The following PFKP variants were observed in gnomAD, a reference collection of about 807,000 sequenced individuals.
PFKP encodes ATP-dependent 6-phosphofructokinase, platelet type.
Under a neutral mutation model 94.3 loss-of-function variants are expected in PFKP, and 101 were observed. The observed-to-expected ratio is 1.07, with a 90% confidence interval of 0.91 to 1.26. The LOEUF (loss-of-function observed/expected upper bound fraction) is 1.26. Among genes scored for constraint, PFKP ranks in the 50% most tolerant of loss-of-function variants. The probability of loss-of-function intolerance (pLI) is 0.00; values close to 1 mark genes in which losing one functional copy is unlikely to be tolerated. For synonymous variants in PFKP, 573 were observed against 432.6 expected (o/e 1.32, Z -4.03); for missense variants, 1,145 against 1,103.3 (o/e 1.04, Z -0.53).
At position 3,129,064 on chromosome 10, in the gene PFKP, G is replaced by A. The variant is rs140842080; in HGVS notation, c.1684-755G>A. 986 of 152,384 alleles carry A rather than the reference G, an allele frequency of 6.5e-3. 5 individuals carry two copies. The highest frequency in any genetic ancestry group is 0.011 in the Non-Finnish European group (724 of 68,070). The allele number at this position is 152,384 out of a possible 1,614,324, so 9.4% of individuals were successfully genotyped here. A position where few individuals can be genotyped will look rare whatever the true frequency, so the allele number is the denominator to read the frequency against. On this transcript the variant is annotated intron_variant, in intron 16 of 21. Transcript: ENST00000381125. Reference sequence around the variant, plus strand: ...GGGTCCTTTCTGTGTGAACGGATTGGAGGGTCCCGGGGTGGGAGCTGAGGC... The same window carrying A: ...GGGTCCTTTCTGTGTGAACGGATTGAAGGGTCCCGGGGTGGGAGCTGAGGC...
chr10:3,077,935 T>C (rs1445384931), intron 1 of PFKP, among the ~76,000 whole-genome samples: 2 of 152,242 alleles, frequency 1.3e-5, no homozygotes, highest in Non-Finnish European at 2.9e-5. Flanking sequence ...AAAACTGGGA[T>C]TTTTGCAAAT....
intron 16 of PFKP, among the ~76,000 whole-genome samples, chr10:3,123,088 T>C (rs1299973491): frequency 6.6e-6 from 1 of 152,114 alleles, no homozygotes; most frequent in Non-Finnish European, 1.5e-5. Context: ...CCCCTCAGAA[T>C]CTATGCGGTG....
intron 1 of PFKP, chr10:3,068,892 C>A (rs1409237117): frequency 5.0e-6 from 1 of 199,900 alleles, no homozygotes; most frequent in Non-Finnish European, 9.0e-6. Flanking sequence ...GGCGGATTTC[C>A]TCCCGTTTCG....
intron 10 of PFKP, among the ~76,000 whole-genome samples, chr10:3,111,847 A>G (rs577951759): frequency 1.6e-4 from 24 of 151,980 alleles, no homozygotes; most frequent in Non-Finnish European, 3.5e-4. Flanking sequence ...TTTCCCCACC[A>G]TAATCAAATT....
At chr10:3,133,433 A>C in intron 19 of PFKP, 119 bp downstream of exon 19, 1 of 729,188 alleles carries the variant, frequency 1.4e-6, no homozygotes, top group Non-Finnish European at 2.4e-6. Flanking sequence ...GATGATAAAA[A>C]ACATCTGAAC....
rs552830580 is a variant in PFKP, at chr10:3,076,580, A to C, written c.113-5808A>C. Among the ~76,000 whole-genome samples the C allele has an allele frequency of 7.3e-5, 11 of 151,608 alleles. No homozygotes were observed. In the South Asian group the frequency reaches 2.3e-3, roughly 32 times the overall value. On this transcript the variant is annotated intron_variant, in intron 1 of 21. Coordinates refer to ENST00000381125, the MANE Select transcript of PFKP (RefSeq NM_002627.5). Reference sequence around the variant, plus strand: ...CACCCCGCTTGTTATTTTTCTCCTTAGCACTTACGGCCATCCATCCATGGG... The same window carrying C: ...CACCCCGCTTGTTATTTTTCTCCTTCGCACTTACGGCCATCCATCCATGGG...
At position 3,067,724 on chromosome 10, in the gene PFKP, CGGCGGCGAGGGAGGGACG is replaced by C; in HGVS notation, c.112+19_112+36del. 7.2e-7 allele frequency: 1 copy of C among 1,389,160 alleles called. No homozygotes were observed. The allele number at this position is 1,389,160 out of a possible 1,614,324, so 86.1% of individuals were successfully genotyped here. ...ATGCTCAAGGTGCGCGCCCCCCTCC[CGGCGGCGAGGGAGGGACG>C]GACGGACGGAGCTGGGGAGAACCGG... is the stretch of plus-strand genomic sequence containing the variant. On this transcript the variant is annotated intron_variant, in intron 1 of 21. Transcript: ENST00000381125.
chr10:3,097,453 C>T (rs1834581540), intron 2 of PFKP, among the ~76,000 whole-genome samples: 1 of 151,806 alleles, frequency 6.6e-6, no homozygotes, highest in Non-Finnish European at 1.5e-5. Flanking sequence ...CAAGGGGAGA[C>T]AATAATAATA....
At chr10:3,130,112 C>T (rs1016751606) in intron 17 of PFKP, 129 bp downstream of exon 17, 134 of 790,914 alleles carry the variant, frequency 1.7e-4, no homozygotes, top group Admixed American at 2.6e-4. Context: ...GAACATGCCA[C>T]GCTTGATACA....
intron 1 of PFKP, among the ~76,000 whole-genome samples, chr10:3,077,263 T>TTTC (rs1204483060): frequency 3.2e-4 from 15 of 46,876 alleles, no homozygotes; most frequent in East Asian, 6.4e-4. Flanking sequence ...TTTTTTTTCT[T>TTTC]TTTTTTTTTT....
At chr10:3,103,640 T>G (rs936102342) in intron 4 of PFKP, 139 bp from the exon 5 acceptor site, 3 of 839,958 alleles carry the variant, frequency 3.6e-6, no homozygotes, top group East Asian at 2.7e-5. Context: ...AAAATGATAA[T>G]AAAGAAATGA....
At chr10:3,121,322 C>A (rs1446712666) in intron 16 of PFKP, among the ~76,000 whole-genome samples, 1 of 152,180 alleles carries the variant, frequency 6.6e-6, no homozygotes, top group Non-Finnish European at 1.5e-5. Flanking sequence ...TCTGGACCTA[C>A]CTTCGCACTG....
intron 4 of PFKP, among the ~76,000 whole-genome samples, chr10:3,102,215 C>A (rs1278557175): frequency 2.9e-4 from 36 of 123,886 alleles, no homozygotes; most frequent in African/African-American, 8.7e-4. Flanking sequence ...CCCGCCACTG[C>A]ACTCCAGCCT....
chr10:3,134,040 T>G (rs1489510280), intron 19 of PFKP, among the ~76,000 whole-genome samples: 1 of 152,178 alleles, frequency 6.6e-6, no homozygotes, highest in Non-Finnish European at 1.5e-5. Flanking sequence ...CCAGGCCTCC[T>G]AACTTGCACA....
intron 19 of PFKP, 149 bp downstream of exon 19, chr10:3,133,463 C>T: frequency 1.6e-6 from 1 of 632,128 alleles, no homozygotes; most frequent in South Asian, 1.8e-5. Flanking sequence ...CAGAGTCTTG[C>T]TCTGTTGCCC....
chr10:3,125,580 G>A (rs775852960), intron 16 of PFKP, among the ~76,000 whole-genome samples: 1 of 150,952 alleles, frequency 6.6e-6, no homozygotes, highest in South Asian at 2.1e-4. Context: ...CCAGCTGTGG[G>A]AGCCTGCAGG....
At chr10:3,132,589 G>T in intron 18 of PFKP, 148 bp downstream of exon 18, 1 of 615,166 alleles carries the variant, frequency 1.6e-6, no homozygotes, top group Non-Finnish European at 3.0e-6. Context: ...AGACAGCTGT[G>T]GTGCATTGCT....
intron 1 of PFKP, among the ~76,000 whole-genome samples, chr10:3,074,845 C>T (rs868277633): frequency 4.6e-5 from 7 of 152,074 alleles, no homozygotes; most frequent in Admixed American, 2.6e-4. Flanking sequence ...TCGGGGAGAC[C>T]GTAACCCAGC....
At chr10:3,123,414 T>C (rs1837619186) in intron 16 of PFKP, among the ~76,000 whole-genome samples, 1 of 152,134 alleles carries the variant, frequency 6.6e-6, no homozygotes, top group South Asian at 2.1e-4. Flanking sequence ...CCTTCCCTTT[T>C]TTGGAGACTG....
Sources: allele counts gnomAD v4.1 joint callset (sites outside exome capture counted in the v4.1 genomes callset), GRCh38; gene constraint gnomAD v4.1.1; transcripts MANE v1.5; gene names NCBI Gene and HGNC (gene_info 2026-07-23, HGNC 2026-07-21).